TNIK: variants seen among roughly 807,000 people sequenced by gnomAD.
TNIK encodes the protein TRAF2 and NCK-interacting protein kinase.
In TNIK, 49 loss-of-function variants were observed where a neutral mutation model predicts 191.3. The observed-to-expected ratio is 0.26, with a 90% CI of 0.20 to 0.32. The LOEUF is 0.32. Ranked by LOEUF, TNIK falls within the 10% of genes least tolerant of loss-of-function variation. The probability of loss-of-function intolerance (pLI) is 1.00; values close to 1 mark genes in which losing one functional copy is unlikely to be tolerated. For synonymous variants in TNIK, 594 were observed against 600.9 expected, an observed-to-expected ratio of 0.99 and a Z score of 0.17; for missense variants, 1,155 against 1,702.3, an observed-to-expected ratio of 0.68 and a Z score of 5.66.
intron 1 of TNIK, among the ~76,000 whole-genome samples, chr3:171,395,411 T>C (rs1720089332): frequency 6.6e-6 from 1 of 152,198 alleles, no homozygotes; most frequent in Non-Finnish European, 1.5e-5. Context: ...GCTTGGCACT[T>C]AACAGGCCCC....
intron 28 of TNIK, among the ~76,000 whole-genome samples, chr3:171,077,222 A>G (rs553733408): frequency 2.6e-4 from 39 of 151,762 alleles, no homozygotes; most frequent in Non-Finnish European, 5.2e-4. Flanking sequence ...CTTTCCTGGA[A>G]CCCTGCATTG....
Position 171,110,893 on chromosome 3 carries a change from A to C in TNIK, c.2121-16T>G. On this transcript the variant is annotated splice_polypyrimidine_tract_variant and intron_variant, in intron 18 of 32. Transcript: ENST00000436636. ...ATCAGGGTTGCTGTGTGAGTGACAG[A>C]GCACACTGGTTACACTCTCCAGACC... The C allele has an allele frequency of 6.3e-7, 1 of 1,590,396 alleles. No individual in the cohort carries two copies. The highest frequency in any genetic ancestry group is 1.2e-5 in the South Asian group (1 of 86,182).
At chr3:171,096,865 A>G (rs1722793411) in intron 22 of TNIK, among the ~76,000 whole-genome samples, 1 of 152,198 alleles carries the variant, frequency 6.6e-6, no homozygotes, top group African/African-American at 2.4e-5. Context: ...TTAATGTCTA[A>G]CAGAGATTTC....
intron 2 of TNIK, among the ~76,000 whole-genome samples, chr3:171,303,923 C>A (rs1452669450): frequency 1.3e-5 from 2 of 151,806 alleles, no homozygotes; most frequent in East Asian, 1.9e-4. Flanking sequence ...GGCAAGGAAC[C>A]TTTATAGAGT....
chr3:171,101,718 C>T, intron 21 of TNIK, 85 bp from the exon 22 acceptor site: 2 of 1,361,484 alleles, frequency 1.5e-6, no homozygotes, highest in African/African-American at 1.5e-5. Context: ...CCAGCTTAAG[C>T]AACAAGAAAA....
chr3:171,173,703 T>A (rs1361253908), intron 9 of TNIK, among the ~76,000 whole-genome samples: 2 of 152,098 alleles, frequency 1.3e-5, no homozygotes, highest in South Asian at 4.1e-4. Flanking sequence ...CAGTTTGTCC[T>A]CCTCTGTGGA....
At chr3:171,261,839 A>G (rs1291861218) in intron 2 of TNIK, among the ~76,000 whole-genome samples, 1 of 152,200 alleles carries the variant, frequency 6.6e-6, no homozygotes, top group Non-Finnish European at 1.5e-5. Context: ...ATCAAACAGG[A>G]GAGAAAACAC....
intron 7 of TNIK, among the ~76,000 whole-genome samples, chr3:171,185,378 T>TA (rs889778628): frequency 9.2e-5 from 14 of 152,156 alleles, no homozygotes; most frequent in African/African-American, 2.4e-4. Context: ...CAAAGTAGGT[T>TA]AAAAAAATAA....
At chr3:171,094,539 TTTG>T (rs1309980745) in intron 22 of TNIK, among the ~76,000 whole-genome samples, 4 of 152,156 alleles carry the variant, frequency 2.6e-5, no homozygotes, top group Non-Finnish European at 5.9e-5. Flanking sequence ...TGAGCAAGTG[TTTG>T]GCTTTACCTG....
intron 12 of TNIK, among the ~76,000 whole-genome samples, chr3:171,141,480 A>G (rs1191153078): frequency 2.6e-5 from 4 of 152,208 alleles, no homozygotes; most frequent in Non-Finnish European, 5.9e-5. Flanking sequence ...AGAACATTTT[A>G]GAAGTTAGAA....
At chr3:171,221,334 C>T (rs1250383989) in intron 3 of TNIK, among the ~76,000 whole-genome samples, 1 of 152,172 alleles carries the variant, frequency 6.6e-6, no homozygotes, top group Admixed American at 6.6e-5. Flanking sequence ...CCAAGCTTTG[C>T]TGACATCACC....
intron 1 of TNIK, among the ~76,000 whole-genome samples, chr3:171,381,306 T>G (rs1395904708): frequency 6.6e-6 from 1 of 152,200 alleles, no homozygotes; most frequent in Non-Finnish European, 1.5e-5. Context: ...GTTAAAAAGA[T>G]TAGCAGGTTA....
chr3:171,118,415 C>T (rs1162321484), intron 18 of TNIK, among the ~76,000 whole-genome samples: 2 of 152,206 alleles, frequency 1.3e-5, no homozygotes, highest in Non-Finnish European at 2.9e-5. Flanking sequence ...CAATGACTTT[C>T]TTCACAGAAT....
chr3:171,126,944 G>A (rs751335841), intron 16 of TNIK, among the ~76,000 whole-genome samples: 40 of 152,194 alleles, frequency 2.6e-4, no homozygotes, highest in Non-Finnish European at 2.6e-4. Context: ...AGAGTGCAGG[G>A]CACCACTTTG....
intron 7 of TNIK, among the ~76,000 whole-genome samples, chr3:171,180,802 C>A (rs1429785447): frequency 1.3e-5 from 2 of 152,196 alleles, no homozygotes; most frequent in Non-Finnish European, 2.9e-5. Context: ...TGAGTATTCA[C>A]CATTTTTCCC....
In TNIK at chr3:171,093,840, T is replaced by G. The variant is rs192746498; in HGVS notation, c.2720A>C (p.Glu907Ala). 7,834 of 1,613,360 alleles carry G rather than the reference T, an allele frequency of 4.9e-3. 26 individuals carry two copies. Among genetic ancestry groups the G allele is most frequent in the Non-Finnish European group, 6.1e-3 (7,225 of 1,179,576 alleles). Reference protein sequence around the residue: ...ISREGTLMIRETSGEKKRSGH... With the variant: ...ISREGTLMIRATSGEKKRSGH... ...TACACAGTTTTTATACCAACTTACC[T>G]CTCTAATCATCAAGGTTCCTTCTCT... Residue 907 changes from glutamate (E) to alanine (A), a missense_variant and splice_region_variant, in exon 23 of 33, where the codon GAG becomes GCG. Around this residue, in one of 3 missense-constraint regions of TNIK, gnomAD observed 735 missense variants for 848.0 expected, o/e 0.87. Coordinates refer to ENST00000436636, the MANE Select transcript of TNIK (RefSeq NM_015028.4).
chr3:171,230,802 T>A (rs1206205855), intron 2 of TNIK, among the ~76,000 whole-genome samples: 1 of 152,150 alleles, frequency 6.6e-6, no homozygotes, highest in African/African-American at 2.4e-5. Context: ...CCTCAAAGGA[T>A]TAATATCCCT....
intron 23 of TNIK, among the ~76,000 whole-genome samples, chr3:171,089,664 T>A (rs1721818762): frequency 6.6e-6 from 1 of 152,206 alleles, no homozygotes; most frequent in African/African-American, 2.4e-5. Flanking sequence ...CACCTTCTTA[T>A]TAAACACTTT....
At chr3:171,388,500 A>G (rs1719034606) in intron 1 of TNIK, among the ~76,000 whole-genome samples, 1 of 152,218 alleles carries the variant, frequency 6.6e-6, no homozygotes, top group Non-Finnish European at 1.5e-5. Flanking sequence ...CGCATTAGCT[A>G]TGTGACTGAG....
Sources: gnomAD v4.1 joint callset for allele counts (sites outside exome capture counted in the v4.1 genomes callset) on GRCh38, gnomAD v4.1.1 for gene constraint, gnomAD v4.1.1 regional missense constraint, MANE v1.5 for transcripts, NCBI Gene and HGNC (gene_info 2026-07-23, HGNC 2026-07-21) for gene names.